Variants in CATSPERE observed in about 807,000 individuals in gnomAD.
CATSPERE encodes cation channel sperm-associated auxiliary subunit epsilon.
Under a neutral mutation model 114.1 loss-of-function variants are expected in CATSPERE, and 93 were observed. The observed-to-expected ratio is 0.81, with a 90% CI of 0.69 to 0.97. CATSPERE has a LOEUF of 0.97. CATSPERE is among the 50% of genes least tolerant of loss of function. CATSPERE has a pLI of 0.00. For synonymous variants in CATSPERE, 341 were observed against 384.1 expected (o/e 0.89, Z 1.31); for missense variants, 1,058 against 1,131.6 (o/e 0.93, Z 0.93).
intron 7 of CATSPERE, among the ~76,000 whole-genome samples, chr1:244,502,855 G>A (rs1674276711): frequency 6.6e-6 from 1 of 152,190 alleles, no homozygotes; most frequent in Admixed American, 6.5e-5. Context: ...TCCAACAGAA[G>A]AACAGAAAAT....
chr1:244,613,173 C>T (rs1206210793), intron 19 of CATSPERE, among the ~76,000 whole-genome samples: 1 of 152,102 alleles, frequency 6.6e-6, no homozygotes, highest in Non-Finnish European at 1.5e-5. Flanking sequence ...ACATACTTTT[C>T]CAATTAAGTT....
intron 10 of CATSPERE, 31 bp from the exon 11 acceptor site, chr1:244,572,299 A>T: frequency 9.3e-7 from 1 of 1,074,022 alleles, no homozygotes. Flanking sequence ...ATGGTTACTT[A>T]GACTAACACA....
chr1:244,579,169 TACTC>T (rs1023762812), intron 11 of CATSPERE, among the ~76,000 whole-genome samples: 1 of 152,192 alleles, frequency 6.6e-6, no homozygotes, highest in African/African-American at 2.4e-5. Context: ...TTTAAGCAGA[TACTC>T]ACAACACTTG....
rs567347995 is a variant in CATSPERE at position 244,544,650 on chromosome 1, T to G, written c.537-7672T>G. Among the ~76,000 whole-genome samples, 6 of 152,358 alleles carry G rather than the reference T, an allele frequency of 3.9e-5. No homozygotes were observed. In the East Asian group the frequency reaches 1.2e-3, roughly 29 times the overall value. On this transcript the variant is annotated intron_variant, in intron 8 of 21. Coordinates refer to ENST00000366534, the MANE Select transcript of CATSPERE (RefSeq NM_001130957.2). ...TTCCTGGAGGCATTGCAAAGACTAG[T>G]GCCACCATCAAGAAACTAGAAGATG...
chr1:244,553,987 T>C (rs1194199086), intron 9 of CATSPERE, among the ~76,000 whole-genome samples: 3 of 152,180 alleles, frequency 2.0e-5, no homozygotes, highest in Non-Finnish European at 4.4e-5. Flanking sequence ...CCATCCATAT[T>C]GCTGCAAACA....
intron 7 of CATSPERE, among the ~76,000 whole-genome samples, chr1:244,507,420 T>C (rs1008451061): frequency 6.6e-6 from 1 of 152,256 alleles, no homozygotes; most frequent in South Asian, 2.1e-4. Context: ...AAGTATTTTC[T>C]CCCATTCTAC....
rs544940649 is a variant in CATSPERE, at chr1:244,463,980, C to G, written c.114+24C>G. Reference sequence around the variant, plus strand: ...CTGTAAGTGTTGAATTTTTAATAAACTATAGTTAAATATTAAATTTTTTGA... The same window carrying G: ...CTGTAAGTGTTGAATTTTTAATAAAGTATAGTTAAATATTAAATTTTTTGA... On this transcript the variant is annotated intron_variant, in intron 2 of 21. Coordinates refer to ENST00000366534, the MANE Select transcript of CATSPERE (RefSeq NM_001130957.2). 7.5e-5 allele frequency: 114 copies of G among 1,529,850 alleles called. No individual in the cohort carries two copies. In the South Asian group the frequency reaches 1.3e-3, roughly 17 times the overall value. The allele number at this position is 1,529,850 out of a possible 1,614,324, so 94.8% of individuals were successfully genotyped here. A position where few individuals can be genotyped will look rare whatever the true frequency, so the allele number is the denominator to read the frequency against.
At chr1:244,561,386 A>G (rs998814981) in intron 10 of CATSPERE, among the ~76,000 whole-genome samples, 1 of 152,206 alleles carries the variant, frequency 6.6e-6, no homozygotes, top group Non-Finnish European at 1.5e-5. Context: ...TTGGTCAATC[A>G]GTAGATTCTA....
intron 7 of CATSPERE, among the ~76,000 whole-genome samples, chr1:244,502,244 A>T (rs1039610434): frequency 5.9e-5 from 9 of 152,048 alleles, no homozygotes; most frequent in African/African-American, 2.2e-4. Flanking sequence ...ATTTGGGGGG[A>T]TGAATATTTG....
At chr1:244,548,851 T>C (rs1660162784) in intron 8 of CATSPERE, among the ~76,000 whole-genome samples, 1 of 152,148 alleles carries the variant, frequency 6.6e-6, no homozygotes, top group South Asian at 2.1e-4. Context: ...GATTCTCAAC[T>C]CCAGGAGTCT....
At chr1:244,585,451 G>A (rs1235547103) in intron 13 of CATSPERE, among the ~76,000 whole-genome samples, 2 of 152,144 alleles carry the variant, frequency 1.3e-5, no homozygotes, top group Admixed American at 6.6e-5. Context: ...GGAAAGATGC[G>A]GTAGCCCTTT....
chr1:244,526,085 G>C (rs575377304), intron 8 of CATSPERE, among the ~76,000 whole-genome samples: 2 of 152,178 alleles, frequency 1.3e-5, no homozygotes, highest in African/African-American at 4.8e-5. Flanking sequence ...GGTAGCCAAC[G>C]TAGCAAAGAG....
At position 244,479,753 on chromosome 1, in the gene CATSPERE, C is replaced by T. The variant is rs145985130; in HGVS notation, c.295C>T (p.His99Tyr). The T allele has an allele frequency of 1.9e-6, 3 of 1,599,542 alleles. No homozygotes were observed. The Admixed American group carries it at 5.1e-5, about 27-fold the overall frequency. Residue 99 changes from histidine (H) to tyrosine (Y), a missense_variant, in exon 5 of 22, where the codon CAT becomes TAT. Physicochemically the swap from His to Tyr is moderately conservative, Grantham distance 83 (BLOSUM62 2). This residue lies in a region of CATSPERE where 271 missense variants were observed against 225.9 expected (regional missense o/e 1.20). Transcript: ENST00000366534. ...ACGCTATTTATTTGTGGAAAGTTCT[C>T]ATACTTGCTTTCTGTGGTACTATAG... ...EERYLFVESSHTCFLWYYRVR... is the reference protein window; with the variant it reads ...EERYLFVESSYTCFLWYYRVR...
intron 21 of CATSPERE, among the ~76,000 whole-genome samples, chr1:244,638,751 C>T (rs1275261315): frequency 6.6e-6 from 1 of 152,118 alleles, no homozygotes; most frequent in African/African-American, 2.4e-5. Context: ...AGGAAGATAA[C>T]CTTTATTCCT....
At chr1:244,626,806 T>C (rs1031771857) in intron 20 of CATSPERE, among the ~76,000 whole-genome samples, 1 of 152,208 alleles carries the variant, frequency 6.6e-6, no homozygotes, top group Admixed American at 6.5e-5. Context: ...GTTTAAGGGA[T>C]GTTGTGGGTG....
chr1:244,594,742 C>G (rs762749042), intron 17 of CATSPERE, among the ~76,000 whole-genome samples: 10 of 152,252 alleles, frequency 6.6e-5, no homozygotes, highest in Middle Eastern at 3.4e-3. Flanking sequence ...AGTAATGAAT[C>G]AGACGCTCCA....
At chr1:244,496,465 C>G (rs1673105227) in intron 6 of CATSPERE, among the ~76,000 whole-genome samples, 1 of 152,120 alleles carries the variant, frequency 6.6e-6, no homozygotes, top group African/African-American at 2.4e-5. Context: ...ACTTTTGACT[C>G]ATGTGTGAGC....
rs199696334 is a variant in CATSPERE, at chr1:244,613,465, AAATAT to A, written c.2490+3143_2490+3147del. On this transcript the variant is annotated intron_variant, in intron 19 of 21. Coordinates refer to ENST00000366534, the MANE Select transcript of CATSPERE (RefSeq NM_001130957.2). ...AGACATATAGTAATATTTTTAAATT[AAATAT>A]AATCAAGAGTTTTAGGGATGCCACT... 1.7e-3 allele frequency among the ~76,000 whole-genome samples: 265 copies of A among 152,344 alleles called. 1 individual carries two copies. The highest frequency in any genetic ancestry group is 6.1e-3 in the African/African-American group (254 of 41,586).
At chr1:244,520,251 G>A (rs923097746) in intron 8 of CATSPERE, among the ~76,000 whole-genome samples, 10 of 151,940 alleles carry the variant, frequency 6.6e-5, no homozygotes, top group African/African-American at 2.4e-4. Context: ...TATAGTGTTC[G>A]CTCTTACATT....
Sources: allele counts gnomAD v4.1 joint callset (sites outside exome capture counted in the v4.1 genomes callset), GRCh38; gene constraint gnomAD v4.1.1; regional missense constraint gnomAD v4.1.1; transcripts MANE v1.5; gene names NCBI Gene and HGNC (gene_info 2026-07-23, HGNC 2026-07-21).